Variants in TEX9 observed in about 807,000 individuals in gnomAD.
TEX9 encodes the protein testis expressed 9.
TEX9 carries 74 observed loss-of-function variants against 59.6 expected under a neutral mutation model. That is an observed-to-expected ratio of 1.24 (90% CI 1.03 to 1.51). TEX9 has a LOEUF of 1.51. Among genes scored for constraint, TEX9 ranks in the 40% most tolerant of loss-of-function variants. The pLI, the probability that TEX9 is intolerant of heterozygous loss-of-function variation, is 0.00. For missense variants in TEX9, 522 were observed against 447.8 expected, an observed-to-expected ratio of 1.17 and a Z score of -1.49; for synonymous variants, 186 against 152.2, an observed-to-expected ratio of 1.22 and a Z score of -1.64.
chr15:56,309,706 T>A (rs1220621691), intron 1 of TEX9, among the ~76,000 whole-genome samples: 5 of 130,848 alleles, frequency 3.8e-5, no homozygotes, highest in Non-Finnish European at 8.5e-5. Context: ...TTTTTTTTTT[T>A]TTTTTTTTTT....
At chr15:56,336,997 A>G (rs921038000) in intron 1 of TEX9, among the ~76,000 whole-genome samples, 2 of 152,176 alleles carry the variant, frequency 1.3e-5, no homozygotes. Flanking sequence ...AATGCATGAC[A>G]ACATCTTCTA....
chr15:56,450,540 A>G (rs1418936156), downstream of TEX9, among the ~76,000 whole-genome samples: 3 of 152,186 alleles, frequency 2.0e-5, no homozygotes, highest in Non-Finnish European at 4.4e-5. Flanking sequence ...CTTACTTAAC[A>G]TAATGTTTTC....
At chr15:56,423,569 A>C (rs1443119248) in intron 10 of TEX9, among the ~76,000 whole-genome samples, 1 of 152,110 alleles carries the variant, frequency 6.6e-6, no homozygotes, top group Non-Finnish European at 1.5e-5. Context: ...AAATATACAA[A>C]TAAGTTTGTT....
chr15:56,415,092 C>T (rs746936077), intron 10 of TEX9, among the ~76,000 whole-genome samples: 5 of 151,124 alleles, frequency 3.3e-5, no homozygotes, highest in Non-Finnish European at 7.4e-5. Context: ...GGTTGTTCTT[C>T]TCTTGTAAAT....
chr15:56,331,527 A>T lies in TEX9; in HGVS notation c.-106-41914A>T, dbSNP rs575959364. Among the ~76,000 whole-genome samples, 91 of 152,322 alleles carry T rather than the reference A, an allele frequency of 6.0e-4. 2 individuals carry two copies. In the South Asian group the frequency reaches 0.018, roughly 31 times the overall value. On this transcript the variant is annotated intron_variant, in intron 1 of 5. Transcript: ENST00000560827. ...TTTGAAAACTATACAAACATATGGAAATTAAACAATATGCTCCTGAATGAC... is the reference window on the plus strand; with the variant it reads ...TTTGAAAACTATACAAACATATGGATATTAAACAATATGCTCCTGAATGAC...
chr15:56,271,797 A>G (rs1002124333), intron 1 of TEX9, among the ~76,000 whole-genome samples: 1 of 152,210 alleles, frequency 6.6e-6, no homozygotes, highest in African/African-American at 2.4e-5. Context: ...TTTAATTATT[A>G]AAATTTAGAA....
chr15:56,334,439 A>C (rs1179891964), intron 1 of TEX9, among the ~76,000 whole-genome samples: 1 of 152,160 alleles, frequency 6.6e-6, no homozygotes, highest in Non-Finnish European at 1.5e-5. Flanking sequence ...ATCGTGCTGG[A>C]AAAATTGGAT....
At chr15:56,316,231 T>A (rs1416937325) in intron 1 of TEX9, among the ~76,000 whole-genome samples, 1 of 150,798 alleles carries the variant, frequency 6.6e-6, no homozygotes, top group Non-Finnish European at 1.5e-5. Flanking sequence ...GGTGCTCTGA[T>A]TTTTAGAGTT....
intron 9 of TEX9, chr15:56,408,747 ACAAGTCCTGT>A (rs1403975368): frequency 5.9e-5 from 9 of 152,230 alleles, no homozygotes; most frequent in African/African-American, 2.2e-4. Flanking sequence ...CAGCTCACCA[ACAAGTCCTGT>A]CAATTCTGTC....
chr15:56,358,747 A>C (rs1335283298), intron 1 of TEX9, among the ~76,000 whole-genome samples: 1 of 152,118 alleles, frequency 6.6e-6, no homozygotes, highest in Non-Finnish European at 1.5e-5. Context: ...CATAATCCCC[A>C]CGTGTTAAGA....
At chr15:56,396,491 G>A (rs1364352165) in intron 9 of TEX9, 3 of 150,290 alleles carry the variant, frequency 2.0e-5, no homozygotes, top group Non-Finnish European at 4.4e-5. Context: ...CCACTGATCT[G>A]TGTTTGGTTC....
At chr15:56,336,298 G>T (rs1371952571) in intron 1 of TEX9, among the ~76,000 whole-genome samples, 1 of 152,104 alleles carries the variant, frequency 6.6e-6, no homozygotes, top group African/African-American at 2.4e-5. Flanking sequence ...CCAATATGAT[G>T]GTATTTGAAG....
At chr15:56,456,344 G>C in the TEX9 span, 3 of 1,535,562 alleles carry the variant, frequency 2.0e-6, no homozygotes, top group South Asian at 1.3e-5. Flanking sequence ...GATTACATAA[G>C]AGTTTAAAGA....
At chr15:56,268,015 A>C (rs1240632170) in intron 1 of TEX9, among the ~76,000 whole-genome samples, 1 of 152,108 alleles carries the variant, frequency 6.6e-6, no homozygotes, top group African/African-American at 2.4e-5. Flanking sequence ...AGTGGTTTGT[A>C]GTTCTCCTTG....
chr15:56,329,159 C>T (rs191901934), intron 1 of TEX9, among the ~76,000 whole-genome samples: 1 of 152,272 alleles, frequency 6.6e-6, no homozygotes, highest in Admixed American at 6.5e-5. Context: ...GAGCATTCTT[C>T]TGGATCATGT....
intron 11 of TEX9, 34 bp from the exon 12 acceptor site, chr15:56,428,327 TTAATAC>T (rs748300756): frequency 7.3e-6 from 11 of 1,501,634 alleles, no homozygotes; most frequent in African/African-American, 1.4e-5. Context: ...TGGCCTACTC[TTAATAC>T]TAAATCAGAC....
chr15:56,382,954 G>T (rs1252258654), intron 3 of TEX9, among the ~76,000 whole-genome samples: 1 of 152,084 alleles, frequency 6.6e-6, no homozygotes, highest in African/African-American at 2.4e-5. Flanking sequence ...CCAGCACTAG[G>T]ATTTGCCTAG....
At position 56,428,834 on chromosome 15, in the gene TEX9, G is replaced by A. The variant is rs113452360; in HGVS notation, c.*29+361G>A. ...GGGGTAGAGTTCTGTATTAGTCAAGGTAAATATACTGTCTTGAGGATGGGG... is the reference window on the plus strand; with the variant it reads ...GGGGTAGAGTTCTGTATTAGTCAAGATAAATATACTGTCTTGAGGATGGGG... On this transcript the variant is annotated intron_variant, in intron 12 of 12. Coordinates refer to ENST00000352903, the Ensembl canonical transcript of TEX9. 2.0e-3 allele frequency: 783 copies of A among 399,490 alleles called. 4 individuals are homozygous for A. Among genetic ancestry groups the A allele is most frequent in the African/African-American group, 0.015 (728 of 48,082 alleles). The allele number at this position is 399,490 out of a possible 1,614,324, so 24.7% of individuals were successfully genotyped here.
intron 12 of TEX9, among the ~76,000 whole-genome samples, chr15:56,430,822 T>G (rs2050569824): frequency 6.6e-6 from 1 of 152,160 alleles, no homozygotes; most frequent in Non-Finnish European, 1.5e-5. Flanking sequence ...GTACTACAGT[T>G]GTTCTAGGGT....
Sources: gnomAD v4.1 joint callset for allele counts (sites outside exome capture counted in the v4.1 genomes callset) on GRCh38, gnomAD v4.1.1 for gene constraint, MANE v1.5 for transcripts, NCBI Gene and HGNC (gene_info 2026-07-23, HGNC 2026-07-21) for gene names.